The following CADM2 variants were observed in gnomAD, a reference collection of about 807,000 sequenced individuals.
CADM2 encodes the protein cell adhesion molecule 2.
Under a neutral mutation model 49.8 loss-of-function variants are expected in CADM2, and 12 were observed. That is an observed-to-expected ratio of 0.24 (90% CI 0.15 to 0.39). CADM2 has a LOEUF of 0.39. CADM2 is among the 10% of genes least tolerant of loss of function. CADM2 has a pLI of 1.00. For synonymous variants in CADM2, 214 were observed against 175.4 expected (o/e 1.22, Z -1.74); for missense variants, 378 against 492.3 (o/e 0.77, Z 2.20).
chr3:86,044,917 G>C (rs968830710), intron 8 of CADM2, among the ~76,000 whole-genome samples: 32 of 152,212 alleles, frequency 2.1e-4, no homozygotes, highest in Non-Finnish European at 4.6e-4. Flanking sequence ...TAGGGACATG[G>C]ATGAAGCTGG....
At chr3:86,037,448 A>G (rs1735307345) in intron 8 of CADM2, among the ~76,000 whole-genome samples, 1 of 152,184 alleles carries the variant, frequency 6.6e-6, no homozygotes, top group Non-Finnish European at 1.5e-5. Context: ...AGAGGGGGGC[A>G]GGGCAAGCAC....
intron 5 of CADM2, among the ~76,000 whole-genome samples, chr3:85,896,206 A>C (rs1196364169): frequency 6.6e-6 from 1 of 152,134 alleles, no homozygotes; most frequent in African/African-American, 2.4e-5. Flanking sequence ...AGATCATTTG[A>C]ATCTGGAAGT....
intron 1 of CADM2, among the ~76,000 whole-genome samples, chr3:85,462,047 G>T (rs1175285895): frequency 6.6e-6 from 1 of 152,032 alleles, no homozygotes; most frequent in Admixed American, 6.6e-5. Flanking sequence ...CAATTAATCA[G>T]GTTACCACTG....
chr3:85,430,919 C>T (rs2036633453), intron 1 of CADM2, among the ~76,000 whole-genome samples: 1 of 151,948 alleles, frequency 6.6e-6, no homozygotes, highest in Non-Finnish European at 1.5e-5. Flanking sequence ...GTGATGCTTC[C>T]TCAAACATAA....
intron 1 of CADM2, among the ~76,000 whole-genome samples, chr3:85,692,190 G>C (rs549325690): frequency 1.3e-5 from 2 of 152,224 alleles, no homozygotes; most frequent in South Asian, 4.1e-4. Flanking sequence ...CAGGCTACTG[G>C]GTGTAGAGTT....
At chr3:85,860,679 C>T (rs1254538545) in intron 3 of CADM2, among the ~76,000 whole-genome samples, 4 of 152,202 alleles carry the variant, frequency 2.6e-5, no homozygotes, top group African/African-American at 7.2e-5. Context: ...ATTCCATTCA[C>T]GAAAGCTCTG....
chr3:85,110,166 G>T (rs974084683), intron 1 of CADM2, among the ~76,000 whole-genome samples: 4 of 151,672 alleles, frequency 2.6e-5, no homozygotes, highest in Non-Finnish European at 5.9e-5. Flanking sequence ...ACTTTACAAA[G>T]AAAAGAAAAA....
intron 1 of CADM2, among the ~76,000 whole-genome samples, chr3:85,005,960 G>A (rs2033696987): frequency 6.6e-6 from 1 of 151,978 alleles, no homozygotes; most frequent in Non-Finnish European, 1.5e-5. Flanking sequence ...AATTCTAATT[G>A]CAGCTTTATT....
intron 3 of CADM2, among the ~76,000 whole-genome samples, chr3:85,811,327 C>A (rs1243349050): frequency 6.6e-6 from 1 of 152,120 alleles, no homozygotes; most frequent in Admixed American, 6.5e-5. Flanking sequence ...TGTTTGTAAA[C>A]ATATATTTTA....
chr3:85,084,184 A>G (rs1368349129), intron 1 of CADM2, among the ~76,000 whole-genome samples: 1 of 152,156 alleles, frequency 6.6e-6, no homozygotes, highest in Non-Finnish European at 1.5e-5. Context: ...AGCATGATCC[A>G]TGCTTTTGGT....
chr3:85,301,311 T>A (rs971343166), intron 1 of CADM2, among the ~76,000 whole-genome samples: 69 of 151,930 alleles, frequency 4.5e-4, no homozygotes, highest in African/African-American at 1.3e-3. Flanking sequence ...ATAAGCTGAG[T>A]CAAGACACAC....
intron 1 of CADM2, among the ~76,000 whole-genome samples, chr3:85,053,607 T>C (rs75141803): frequency 0.011 from 1,714 of 152,040 alleles, 12 homozygotes; most frequent in Non-Finnish European, 0.018. Flanking sequence ...AAGAATGTTC[T>C]AGAAATTAAA....
intron 1 of CADM2, among the ~76,000 whole-genome samples, chr3:85,165,127 A>G (rs1033917175): frequency 6.6e-6 from 1 of 151,912 alleles, no homozygotes; most frequent in Non-Finnish European, 1.5e-5. Flanking sequence ...ATTAATCATG[A>G]CTGTAATAAG....
chr3:85,667,789 C>G (rs941361720), intron 1 of CADM2, among the ~76,000 whole-genome samples: 10 of 151,982 alleles, frequency 6.6e-5, no homozygotes, highest in Non-Finnish European at 1.0e-4. Context: ...TGCTTACTAA[C>G]TAAGTAAGCT....
rs190268723 is a variant in CADM2, at chr3:85,221,868, A to G, written c.61+262200A>G. On this transcript the variant is annotated intron_variant, in intron 1 of 9. Transcript: ENST00000383699. ...TGGTGAGTTGGACTAATTGAGCTCT[A>G]GATACCGTTTGAAATCCAAAATCCT... is the stretch of plus-strand genomic sequence containing the variant. Among the ~76,000 whole-genome samples the G allele has an allele frequency of 1.8e-3, 272 of 152,262 alleles. 1 individual carries two copies. The highest frequency in any genetic ancestry group is 6.3e-3 in the African/African-American group (261 of 41,554).
At chr3:85,173,564 T>C (rs1465548474) in intron 1 of CADM2, among the ~76,000 whole-genome samples, 1 of 152,188 alleles carries the variant, frequency 6.6e-6, no homozygotes, top group Non-Finnish European at 1.5e-5. Context: ...ATTTGATAAA[T>C]TTCTGGACAA....
At chr3:85,303,491 G>A (rs1392348696) in intron 1 of CADM2, among the ~76,000 whole-genome samples, 1 of 151,900 alleles carries the variant, frequency 6.6e-6, no homozygotes, top group Non-Finnish European at 1.5e-5. Flanking sequence ...AAATTGGGAA[G>A]ACAGATGTGC....
At chr3:85,158,027 G>A (rs980567448) in intron 1 of CADM2, among the ~76,000 whole-genome samples, 21 of 152,088 alleles carry the variant, frequency 1.4e-4, no homozygotes, top group Admixed American at 7.2e-4. Context: ...AAAAGTCGGC[G>A]AAGGACATGA....
chr3:84,982,901 A>T (rs1030022376), intron 1 of CADM2, among the ~76,000 whole-genome samples: 1 of 150,496 alleles, frequency 6.6e-6, no homozygotes, highest in Non-Finnish European at 1.5e-5. Context: ...GTCCGCCACC[A>T]TGCCCAGCTA....
Sources: allele counts gnomAD v4.1 joint callset (sites outside exome capture counted in the v4.1 genomes callset), GRCh38; gene constraint gnomAD v4.1.1; transcripts MANE v1.5; gene names NCBI Gene and HGNC (gene_info 2026-07-23, HGNC 2026-07-21).